The following PDE1C variants were observed in gnomAD, a reference collection of about 807,000 sequenced individuals.
PDE1C encodes the protein phosphodiesterase 1C, also known as dual specificity calcium/calmodulin-dependent 3',5'-cyclic nucleotide phosphodiesterase 1C.
In PDE1C, 62 loss-of-function variants were observed where a neutral mutation model predicts 93.1. The observed-to-expected ratio is 0.67, with a 90% confidence interval of 0.54 to 0.82. The LOEUF is 0.82. Ranked by LOEUF, PDE1C falls within the 40% of genes least tolerant of loss-of-function variation. The pLI, the probability that PDE1C is intolerant of heterozygous loss-of-function variation, is 0.00. For synonymous variants in PDE1C, 325 were observed against 310.1 expected, an observed-to-expected ratio of 1.05 and a Z score of -0.50; for missense variants, 742 against 884.6, an observed-to-expected ratio of 0.84 and a Z score of 2.04.
chr7:32,368,687 A>G (rs1014411154), intron 1 of PDE1C, among the ~76,000 whole-genome samples: 1 of 152,144 alleles, frequency 6.6e-6, no homozygotes, highest in Non-Finnish European at 1.5e-5. Flanking sequence ...CAAAGACACA[A>G]TAGCCAAAGC....
chr7:32,340,115 CT>C (rs759854068), intron 1 of PDE1C, among the ~76,000 whole-genome samples: 1 of 152,016 alleles, frequency 6.6e-6, no homozygotes, highest in Non-Finnish European at 1.5e-5. Context: ...CAGGCTGGGA[CT>C]TACCAGAGTG....
intron 17 of PDE1C, among the ~76,000 whole-genome samples, chr7:31,774,206 T>G (rs964208784): frequency 2.0e-5 from 3 of 152,156 alleles, no homozygotes; most frequent in African/African-American, 7.2e-5. Context: ...CAATTCAAAA[T>G]GGGTTAAAAT....
chr7:32,086,389 T>C (rs78381037), intron 3 of PDE1C, among the ~76,000 whole-genome samples: 1 of 152,226 alleles, frequency 6.6e-6, no homozygotes, highest in Non-Finnish European at 1.5e-5. Context: ...TCCATGTTCA[T>C]GGGTAGGAAG....
rs1785178939 is a variant in PDE1C, at chr7:31,795,525, A to G, written c.1891+13506T>C. Among the ~76,000 whole-genome samples the G allele has an allele frequency of 2.0e-5, 3 of 152,034 alleles. No homozygotes were observed. The East Asian group carries it at 5.8e-4, about 30-fold the overall frequency. ...AATACAGTGGTACATTAGTAGTTCC[A>G]CAAAGTATCTAGAAGACAGAGTGAA... On this transcript the variant is annotated intron_variant, in intron 16 of 17. Transcript: ENST00000396191.
chr7:31,746,923 C>G (rs1003403479), downstream of PDE1C, among the ~76,000 whole-genome samples: 10 of 152,118 alleles, frequency 6.6e-5, no homozygotes, highest in Non-Finnish European at 1.3e-4. Flanking sequence ...GCATGGAGGC[C>G]AGAGGTCCAA....
chr7:31,837,353 G>A (rs1188276573), intron 10 of PDE1C, 53 bp from the exon 11 acceptor site: 3 of 1,470,832 alleles, frequency 2.0e-6, no homozygotes, highest in African/African-American at 2.9e-5. Flanking sequence ...CAGAACCTCA[G>A]TAAGAGTTTT....
intron 1 of PDE1C, among the ~76,000 whole-genome samples, chr7:32,277,450 T>C (rs1443925180): frequency 6.6e-6 from 1 of 152,142 alleles, no homozygotes; most frequent in African/African-American, 2.4e-5. Context: ...CAAAATGGTA[T>C]AAAGCCACAA....
chr7:32,271,709 T>C (rs184464416), intron 1 of PDE1C, among the ~76,000 whole-genome samples: 23 of 152,284 alleles, frequency 1.5e-4, no homozygotes, highest in Admixed American at 1.4e-3. Context: ...CCTCTCAGTC[T>C]TAGCAACAGG....
chr7:32,091,079 A>G (rs999251261), intron 3 of PDE1C, among the ~76,000 whole-genome samples: 6 of 152,242 alleles, frequency 3.9e-5, no homozygotes, highest in African/African-American at 9.6e-5. Context: ...AACAGCAAGG[A>G]CTGTGCCTTT....
intron 1 of PDE1C, among the ~76,000 whole-genome samples, chr7:32,312,435 C>T (rs1165274046): frequency 6.6e-6 from 1 of 152,054 alleles, no homozygotes; most frequent in South Asian, 2.1e-4. Context: ...CAAAAAAGAG[C>T]CCGCATCGCC....
intron 1 of PDE1C, among the ~76,000 whole-genome samples, chr7:32,322,804 G>A (rs537156339): frequency 6.6e-5 from 10 of 151,966 alleles, no homozygotes; most frequent in African/African-American, 1.2e-4. Context: ...TAGTAAAGAC[G>A]GGGTTTCAGC....
At chr7:31,632,522 T>A in the PDE1C span, among the ~76,000 whole-genome samples, 79,463 of 152,086 alleles carry the variant, frequency 0.52, 21,333 homozygotes, top group East Asian at 0.83. Context: ...AGATCAAATT[T>A]CACAAGGATA....
At chr7:31,861,595 A>C (rs1794707105) in intron 7 of PDE1C, among the ~76,000 whole-genome samples, 2 of 152,098 alleles carry the variant, frequency 1.3e-5, no homozygotes, top group Admixed American at 1.3e-4. Flanking sequence ...CTGTTTATCA[A>C]ACCAAGAATC....
chr7:32,265,334 T>A (rs549930088), intron 1 of PDE1C, among the ~76,000 whole-genome samples: 3 of 152,232 alleles, frequency 2.0e-5, no homozygotes. Context: ...AATGCATGCA[T>A]CCAACTGTCC....
chr7:32,241,673 T>A (rs1006045656), intron 1 of PDE1C, among the ~76,000 whole-genome samples: 1 of 152,196 alleles, frequency 6.6e-6, no homozygotes, highest in African/African-American at 2.4e-5. Flanking sequence ...AGAGCATATA[T>A]GCATGTGGGT....
At chr7:31,628,054 A>G in the PDE1C span, among the ~76,000 whole-genome samples, 1 of 152,206 alleles carries the variant, frequency 6.6e-6, no homozygotes, top group African/African-American at 2.4e-5. Context: ...CCCAGGCCTA[A>G]AAAAGCAGAG....
chr7:32,196,259 TG>T (rs1310991680), intron 2 of PDE1C, among the ~76,000 whole-genome samples: 1 of 152,108 alleles, frequency 6.6e-6, no homozygotes, highest in Non-Finnish European at 1.5e-5. Flanking sequence ...TGGGTGAGGA[TG>T]GGGCCACAGC....
At chr7:31,780,930 T>G (rs890109136) in intron 16 of PDE1C, among the ~76,000 whole-genome samples, 7 of 152,214 alleles carry the variant, frequency 4.6e-5, no homozygotes, top group Admixed American at 4.6e-4. Flanking sequence ...TGTGGCCATT[T>G]AAGGAGTAAA....
intron 3 of PDE1C, among the ~76,000 whole-genome samples, chr7:32,147,272 A>AAGAATG (rs3078680): frequency 1.0e-5 from 1 of 96,610 alleles, no homozygotes; most frequent in African/African-American, 3.8e-5. Context: ...AAGAAAGAAA[A>AAGAATG]AAAGAAAGAA....
Sources: allele counts gnomAD v4.1 joint callset (sites outside exome capture counted in the v4.1 genomes callset), GRCh38; gene constraint gnomAD v4.1.1; transcripts MANE v1.5; gene names NCBI Gene and HGNC (gene_info 2026-07-23, HGNC 2026-07-21).